FGF14: variants seen among roughly 807,000 people sequenced by gnomAD.
FGF14 encodes fibroblast growth factor 14.
A neutral mutation model predicts 25.5 loss-of-function variants in FGF14; 5 were observed. The ratio of observed to expected loss-of-function variants is 0.20; its 90% CI spans 0.10 to 0.41. The LOEUF (loss-of-function observed/expected upper bound fraction) is 0.41, where lower values mean the gene tolerates loss of function less well. FGF14 is among the 10% of genes least tolerant of loss of function. The pLI, the probability that FGF14 is intolerant of heterozygous loss-of-function variation, is 1.00. For missense variants in FGF14, 222 were observed against 320.1 expected, an observed-to-expected ratio of 0.69 and a Z score of 2.34; for synonymous variants, 138 against 118.3, an observed-to-expected ratio of 1.17 and a Z score of -1.08.
At chr13:102,128,064 A>G (rs1160848690) in intron 1 of FGF14, among the ~76,000 whole-genome samples, 1 of 151,938 alleles carries the variant, frequency 6.6e-6, no homozygotes, top group East Asian at 1.9e-4. Flanking sequence ...CAGTGGGTTC[A>G]GTGTCATAAT....
intron 1 of FGF14, among the ~76,000 whole-genome samples, chr13:102,356,928 C>CATATATATATAT (rs3066054): frequency 0.015 from 2,077 of 141,822 alleles, 50 homozygotes; most frequent in African/African-American, 0.051. Flanking sequence ...CTATAAAATG[C>CATATATATATAT]ATATATATAT....
upstream of FGF14, among the ~76,000 whole-genome samples, chr13:101,919,634 G>C (rs1225899640): frequency 6.6e-6 from 1 of 151,816 alleles, no homozygotes; most frequent in African/African-American, 2.4e-5. Context: ...ACCGCGGACA[G>C]GGATCCCGCC....
At chr13:102,047,316 A>G (rs1720040717) in intron 1 of FGF14, among the ~76,000 whole-genome samples, 1 of 152,138 alleles carries the variant, frequency 6.6e-6, no homozygotes, top group Non-Finnish European at 1.5e-5. Context: ...TTTTGGTTTA[A>G]GAATAATAAG....
intron 1 of FGF14, among the ~76,000 whole-genome samples, chr13:102,216,327 CA>C (rs993263181): frequency 2.0e-5 from 3 of 152,102 alleles, no homozygotes; most frequent in African/African-American, 7.2e-5. Context: ...CCAAGTCGCT[CA>C]ACTCTCCCCA....
At chr13:102,397,120 C>T (rs1302980482) in intron 1 of FGF14, among the ~76,000 whole-genome samples, 4 of 152,158 alleles carry the variant, frequency 2.6e-5, no homozygotes, top group African/African-American at 7.2e-5. Flanking sequence ...TAGGATGAGT[C>T]GGTAGGCTGA....
At chr13:101,783,519 G>A (rs1012034438) in intron 3 of FGF14, among the ~76,000 whole-genome samples, 5 of 151,172 alleles carry the variant, frequency 3.3e-5, no homozygotes, top group East Asian at 1.9e-4. Context: ...TTTTAATGGC[G>A]TTGAGGTTTT....
At chr13:102,028,220 G>A (rs1037156483) in intron 1 of FGF14, among the ~76,000 whole-genome samples, 2 of 152,020 alleles carry the variant, frequency 1.3e-5, no homozygotes, top group Non-Finnish European at 2.9e-5. Context: ...AATTTATATT[G>A]AAACCTAGTC....
At chr13:102,045,112 A>G (rs2041922529) in intron 1 of FGF14, among the ~76,000 whole-genome samples, 1 of 152,284 alleles carries the variant, frequency 6.6e-6, no homozygotes, top group East Asian at 1.9e-4. Context: ...TTGATATTCA[A>G]TTTGTGTAGT....
chr13:101,902,965 T>G (rs1350275407), intron 1 of FGF14, among the ~76,000 whole-genome samples: 4 of 152,208 alleles, frequency 2.6e-5, no homozygotes, highest in African/African-American at 4.8e-5. Context: ...CTGATACTGT[T>G]ATCTCAAACT....
intron 1 of FGF14, among the ~76,000 whole-genome samples, chr13:102,116,869 G>A (rs564475440): frequency 6.6e-6 from 1 of 152,196 alleles, no homozygotes; most frequent in Non-Finnish European, 1.5e-5. Flanking sequence ...GAAAAGCCCA[G>A]TTAAGCTCCT....
At chr13:101,918,987 A>C (rs1443610555), upstream of FGF14, among the ~76,000 whole-genome samples, 1 of 152,174 alleles carries the variant, frequency 6.6e-6, no homozygotes, top group Non-Finnish European at 1.5e-5. Context: ...GGGGAATGCT[A>C]ATTATTTTGC....
chr13:102,296,373 C>T (rs2054712155), intron 1 of FGF14, among the ~76,000 whole-genome samples: 1 of 152,114 alleles, frequency 6.6e-6, no homozygotes, highest in Non-Finnish European at 1.5e-5. Flanking sequence ...GCTTGGTGCA[C>T]AAAACCCCTC....
At chr13:102,197,308 A>G (rs926670702) in intron 1 of FGF14, among the ~76,000 whole-genome samples, 3 of 152,106 alleles carry the variant, frequency 2.0e-5, no homozygotes, top group African/African-American at 7.2e-5. Context: ...CAAGACCCAG[A>G]GCCTAACCCC....
intron 3 of FGF14, among the ~76,000 whole-genome samples, chr13:101,860,300 T>A (rs1323190): frequency 0.28 from 43,253 of 151,874 alleles, 6,431 homozygotes; most frequent in East Asian, 0.53. Flanking sequence ...TCCCACAGAC[T>A]AAGAGGAGTG....
intron 1 of FGF14, among the ~76,000 whole-genome samples, chr13:101,926,812 G>A (rs1594749631): frequency 6.6e-6 from 1 of 152,058 alleles, no homozygotes; most frequent in Non-Finnish European, 1.5e-5. Flanking sequence ...TAGATAATTG[G>A]TCTTTCCTTT....
intron 1 of FGF14, among the ~76,000 whole-genome samples, chr13:102,032,587 T>C (rs1173041050): frequency 1.3e-5 from 2 of 152,100 alleles, no homozygotes; most frequent in Non-Finnish European, 2.9e-5. Flanking sequence ...TGTTGCATGG[T>C]TGTATTTGGT....
In FGF14 at chr13:101,715,594, A is replaced by T. The variant is rs769533749; in HGVS notation, c.*7237T>A. The T allele has an allele frequency of 6.2e-7, 1 of 1,613,508 alleles. No homozygotes were observed. Among genetic ancestry groups the T allele is most frequent in the South Asian group, 1.1e-5 (1 of 91,062 alleles). On this transcript the variant is annotated 3_prime_UTR_variant, in exon 5 of 5. Transcript: ENST00000376143. ...GAATATGTAGCTGTGGAAACTGTGA[A>T]TGCTGGGATGGATGGAATGGAAATG... is the stretch of plus-strand genomic sequence containing the variant.
intron 1 of FGF14, among the ~76,000 whole-genome samples, chr13:102,309,130 T>C (rs1487244407): frequency 8.2e-5 from 5 of 60,628 alleles, no homozygotes; most frequent in Admixed American, 5.4e-4. Context: ...CATACATGCA[T>C]AACATACACA....
intron 1 of FGF14, among the ~76,000 whole-genome samples, chr13:102,114,316 T>C (rs927651702): frequency 6.6e-5 from 10 of 152,220 alleles, no homozygotes; most frequent in African/African-American, 2.4e-4. Flanking sequence ...ATCAACCCTT[T>C]ATCAGATACA....
Sources: gnomAD v4.1 joint callset for allele counts (sites outside exome capture counted in the v4.1 genomes callset) on GRCh38, gnomAD v4.1.1 for gene constraint, MANE v1.5 for transcripts, NCBI Gene and HGNC (gene_info 2026-07-23, HGNC 2026-07-21) for gene names.